HDAC8: variants seen among roughly 807,000 people sequenced by gnomAD.
HDAC8 encodes the protein histone deacetylase 8, also known as histone deacetylase-like 1.
A neutral mutation model predicts 32.2 loss-of-function variants in HDAC8; 1 was observed. The observed-to-expected ratio is 0.03, with a 90% CI of 0.01 to 0.15. The LOEUF (loss-of-function observed/expected upper bound fraction) is 0.15. Among genes scored for constraint, HDAC8 ranks in the 10% least tolerant of loss-of-function variants. The pLI is 1.00. For synonymous variants in HDAC8, 108 were observed against 113.9 expected (o/e 0.95, Z 0.33); for missense variants, 117 against 300.0 (o/e 0.39, Z 4.51).
chrX:72,482,596 C>G (rs1556003667), intron 7 of HDAC8, among the ~76,000 whole-genome samples: 1 of 94,396 alleles, frequency 1.1e-5, no homozygotes, highest in Non-Finnish European at 2.4e-5. Flanking sequence ...TAAATGGTTT[C>G]TATTTTGGGG....
intron 4 of HDAC8, among the ~76,000 whole-genome samples, chrX:72,509,922 C>A (rs1277367106): frequency 9.0e-6 from 1 of 111,537 alleles, no homozygotes; most frequent in African/African-American, 3.3e-5. Context: ...TTGCCTCTGT[C>A]TCCTTTGCCA....
chrX:72,347,163 C>G (rs2044053570), intron 10 of HDAC8, among the ~76,000 whole-genome samples: 1 of 111,763 alleles, frequency 8.9e-6, no homozygotes. Context: ...CCTATCCTCC[C>G]TGAGCCTCAG....
At chrX:72,540,438 A>G (rs1190416860) in intron 4 of HDAC8, among the ~76,000 whole-genome samples, 4 of 112,320 alleles carry the variant, frequency 3.6e-5, no homozygotes, top group African/African-American at 6.5e-5. Context: ...ACATAGATCA[A>G]TAAATAGAAA....
rs1336241499 is a variant in HDAC8, at chrX:72,388,388, C to T, written c.1006-36550G>A. 3.6e-5 allele frequency among the ~76,000 whole-genome samples: 4 copies of T among 110,029 alleles called. No homozygotes were observed. In the Admixed American group the frequency reaches 3.9e-4, roughly 11 times the overall value. On this transcript the variant is annotated intron_variant, in intron 9 of 10. Coordinates refer to ENST00000373573, the MANE Select transcript of HDAC8 (RefSeq NM_018486.3). ...CCTCAGTGTTCCCTTTATTAATCAACCATTCACCCACTTGCCCAAGAAAGA... is the reference window on the plus strand; with the variant it reads ...CCTCAGTGTTCCCTTTATTAATCAATCATTCACCCACTTGCCCAAGAAAGA...
intron 9 of HDAC8, among the ~76,000 whole-genome samples, chrX:72,402,123 G>A (rs1197268967): frequency 3.6e-5 from 4 of 110,977 alleles, no homozygotes; most frequent in African/African-American, 9.8e-5. Flanking sequence ...CATTTCATGC[G>A]GGTAGTGTAA....
chrX:72,399,512 G>A (rs1438848827), intron 9 of HDAC8, among the ~76,000 whole-genome samples: 1 of 111,993 alleles, frequency 8.9e-6, no homozygotes, highest in African/African-American at 3.2e-5. Context: ...ACACCCTGTG[G>A]GATTGTTATT....
intron 8 of HDAC8, chrX:72,462,300 A>T: frequency 2.7e-6 from 1 of 376,536 alleles, no homozygotes; most frequent in Non-Finnish European, 4.6e-6. Context: ...GCACAGTGTA[A>T]AACTGGGCAG....
chrX:72,367,543 T>A (rs1209327640), intron 9 of HDAC8, among the ~76,000 whole-genome samples: 1 of 112,318 alleles, frequency 8.9e-6, no homozygotes, highest in Non-Finnish European at 1.9e-5. Flanking sequence ...ACAAAAACTC[T>A]AACTTATGGC....
intron 9 of HDAC8, among the ~76,000 whole-genome samples, chrX:72,403,526 C>CT (rs1164121497): frequency 1.8e-5 from 2 of 112,281 alleles, no homozygotes; most frequent in Non-Finnish European, 3.8e-5. Context: ...AATTTCATCT[C>CT]TTTTAAAAAG....
intron 9 of HDAC8, among the ~76,000 whole-genome samples, chrX:72,364,549 C>CT (rs782132603): frequency 5.4e-5 from 6 of 111,820 alleles, no homozygotes; most frequent in Admixed American, 1.9e-4. Context: ...TGCTCATCAT[C>CT]TTTTTTTTGT....
chrX:72,342,569 C>G (rs1362320092), intron 10 of HDAC8, among the ~76,000 whole-genome samples: 3 of 112,182 alleles, frequency 2.7e-5, no homozygotes, highest in Non-Finnish European at 5.6e-5. Context: ...TTCCTTCTAC[C>G]CCTTGATCAT....
At chrX:72,521,067 CTT>C (rs1469000688) in intron 4 of HDAC8, among the ~76,000 whole-genome samples, 6 of 112,098 alleles carry the variant, frequency 5.4e-5, no homozygotes, top group African/African-American at 1.9e-4. Flanking sequence ...GCATTTTCCT[CTT>C]TGTAATTAGC....
intron 9 of HDAC8, among the ~76,000 whole-genome samples, chrX:72,408,643 T>G (rs1263309551): frequency 1.8e-5 from 2 of 111,715 alleles, no homozygotes; most frequent in Non-Finnish European, 3.8e-5. Flanking sequence ...TGACCTCAAG[T>G]GATCTACCCG....
chrX:72,422,369 T>A (rs1295705228), intron 9 of HDAC8, among the ~76,000 whole-genome samples: 1 of 111,172 alleles, frequency 9.0e-6, no homozygotes, highest in African/African-American at 3.3e-5. Context: ...GTTCTTTTTT[T>A]TCCTGTCCCT....
At chrX:72,489,625 G>A (rs1283198357) in intron 6 of HDAC8, among the ~76,000 whole-genome samples, 3 of 110,103 alleles carry the variant, frequency 2.7e-5, no homozygotes, top group African/African-American at 6.6e-5. Flanking sequence ...AGACTTAAAC[G>A]TTAGACCTAA....
intron 4 of HDAC8, among the ~76,000 whole-genome samples, chrX:72,509,401 G>T (rs192856598): frequency 2.2e-4 from 25 of 111,567 alleles, no homozygotes; most frequent in African/African-American, 7.8e-4. Flanking sequence ...TAGTCACCCC[G>T]CCCGGCCTCT....
chrX:72,358,770 C>T (rs1232942658), intron 9 of HDAC8, among the ~76,000 whole-genome samples: 4 of 112,132 alleles, frequency 3.6e-5, no homozygotes, highest in South Asian at 3.7e-4. Flanking sequence ...AATTTTTCCA[C>T]GGACCAGGGA....
chrX:72,366,796 C>T (rs192248922), intron 9 of HDAC8, among the ~76,000 whole-genome samples: 8 of 111,301 alleles, frequency 7.2e-5, no homozygotes, highest in African/African-American at 2.0e-4. Flanking sequence ...GAAAAACAGG[C>T]GGCTCTAGTG....
chrX:72,489,327 A>T (rs1479584649), intron 6 of HDAC8: 7 of 379,435 alleles, frequency 1.8e-5, no homozygotes, highest in African/African-American at 1.8e-4. Flanking sequence ...ATTATTCAGG[A>T]TGTTAGGAGT....
Sources: gnomAD v4.1 joint callset for allele counts (sites outside exome capture counted in the v4.1 genomes callset) on GRCh38, gnomAD v4.1.1 for gene constraint, MANE v1.5 for transcripts, NCBI Gene and HGNC (gene_info 2026-07-23, HGNC 2026-07-21) for gene names.